CDH13: variants seen among roughly 807,000 people sequenced by gnomAD.
CDH13 encodes cadherin-13.
CDH13 carries 24 observed loss-of-function variants against 63.8 expected under a neutral mutation model. That is an observed-to-expected ratio of 0.38 (90% CI 0.27 to 0.53). CDH13 has a LOEUF of 0.53. CDH13 is among the 20% of genes least tolerant of loss of function. The pLI is 0.85. For synonymous variants in CDH13, 503 were observed against 355.3 expected (o/e 1.42, Z -4.67); for missense variants, 1,049 against 903.1 (o/e 1.16, Z -2.07).
chr16:83,673,315 T>C (rs1914677978), intron 9 of CDH13, among the ~76,000 whole-genome samples: 1 of 152,180 alleles, frequency 6.6e-6, no homozygotes, highest in African/African-American at 2.4e-5. Flanking sequence ...CCAACATGGA[T>C]ATCCCCTACC....
Position 82,644,385 on chromosome 16 carries a change from T to G in CDH13, c.45+17248T>G, listed in dbSNP as rs573169060. Among the ~76,000 whole-genome samples the G allele has an allele frequency of 6.6e-6, 1 of 152,136 alleles. No homozygotes were observed. Among genetic ancestry groups the G allele is most frequent in the African/African-American group, 2.4e-5 (1 of 41,430 alleles). Reference sequence around the variant, plus strand: ...CCATCACCCCCCTACGGAGTTCCTTTGATTCTCAGGTCCCTTAACCATGGA... The same window carrying G: ...CCATCACCCCCCTACGGAGTTCCTTGGATTCTCAGGTCCCTTAACCATGGA... On this transcript the variant is annotated intron_variant, in intron 1 of 13. Transcript: ENST00000567109. The surrounding 1 kb of genome is among the most constrained non-coding windows in gnomAD (Gnocchi z 5.7).
intron 4 of CDH13, among the ~76,000 whole-genome samples, chr16:83,172,907 T>C (rs1362588893): frequency 6.6e-6 from 1 of 152,144 alleles, no homozygotes; most frequent in East Asian, 1.9e-4. Flanking sequence ...TCAAGTATAA[T>C]GAACTGAAGT....
intron 5 of CDH13, among the ~76,000 whole-genome samples, chr16:83,266,076 A>G (rs1907583737): frequency 6.6e-6 from 1 of 152,032 alleles, no homozygotes; most frequent in African/African-American, 2.4e-5. Context: ...ACCTGAGATT[A>G]CAGGCGCCTG....
At chr16:83,004,433 C>T (rs1913265035) in intron 2 of CDH13, among the ~76,000 whole-genome samples, 1 of 152,216 alleles carries the variant, frequency 6.6e-6, no homozygotes, top group Admixed American at 6.5e-5. Context: ...ACTTCTTCCT[C>T]ATAAACCACT....
intron 1 of CDH13, among the ~76,000 whole-genome samples, chr16:82,808,485 G>C (rs114158275): frequency 4.7e-4 from 71 of 152,284 alleles, no homozygotes; most frequent in African/African-American, 1.5e-3. Context: ...AAATAAGAAG[G>C]ACTGACAGGA....
At position 83,797,531 on chromosome 16, in the gene CDH13, A is replaced by G. The variant is rs988970170; in HGVS notation, c.*2501A>G. On this transcript the variant is annotated 3_prime_UTR_variant, in exon 14 of 14. Transcript: ENST00000567109. The stretch of plus-strand genomic sequence containing the variant: ...TTGTTCCTCCTAATAGTTTCCAGAA[A>G]AAAAGGAAAATAAACCAATTCTTAT... 2.0e-5 allele frequency: 3 copies of G among 152,226 alleles called. No individual in the cohort carries two copies. The highest frequency in any genetic ancestry group is 7.2e-5 in the African/African-American group (3 of 41,458). The allele number at this position is 152,226 out of a possible 1,614,324, so 9.4% of individuals were successfully genotyped here.
intron 6 of CDH13, among the ~76,000 whole-genome samples, chr16:83,356,615 A>C (rs558706787): frequency 6.6e-6 from 1 of 152,206 alleles, no homozygotes; most frequent in African/African-American, 2.4e-5. Context: ...CCTTTGAATC[A>C]CTTCACCTTA....
At chr16:82,933,936 C>T (rs2042583545) in intron 2 of CDH13, among the ~76,000 whole-genome samples, 1 of 152,232 alleles carries the variant, frequency 6.6e-6, no homozygotes, top group South Asian at 2.1e-4. Context: ...GTACAGCCCT[C>T]CTCCTGGCTG....
At position 83,467,168 on chromosome 16, in the gene CDH13, G is replaced by A. The variant is rs981434065; in HGVS notation, c.782-19309G>A. 1.3e-5 allele frequency among the ~76,000 whole-genome samples: 2 copies of A among 152,128 alleles called. 1 individual carries two copies. The highest frequency in any genetic ancestry group is 1.3e-4 in the Admixed American group (2 of 15,266). ...CACTCTTACCAAGCCCCGGCTCTCAGTAAACTCAAACGCATCTCTCTGCTC... is the reference window on the plus strand; with the variant it reads ...CACTCTTACCAAGCCCCGGCTCTCAATAAACTCAAACGCATCTCTCTGCTC... On this transcript the variant is annotated intron_variant, in intron 6 of 13. Transcript: ENST00000567109.
intron 2 of CDH13, among the ~76,000 whole-genome samples, chr16:82,968,372 C>T (rs755059683): frequency 6.6e-6 from 1 of 152,168 alleles, no homozygotes; most frequent in African/African-American, 2.4e-5. Flanking sequence ...ACCTAGTGGT[C>T]CAGTTACTGT....
chr16:83,294,870 G>A (rs770726793), intron 5 of CDH13, among the ~76,000 whole-genome samples: 7 of 151,948 alleles, frequency 4.6e-5, no homozygotes, highest in Non-Finnish European at 8.8e-5. Flanking sequence ...CACAGAACTA[G>A]GAAAAATCAT....
chr16:83,079,310 C>T (rs1194185654), intron 3 of CDH13, among the ~76,000 whole-genome samples: 1 of 152,148 alleles, frequency 6.6e-6, no homozygotes, highest in Non-Finnish European at 1.5e-5. Flanking sequence ...ACCTTGCCTT[C>T]TATGGATGGT....
intron 7 of CDH13, among the ~76,000 whole-genome samples, chr16:83,504,427 G>T (rs796331234): frequency 5.9e-5 from 9 of 152,306 alleles, no homozygotes; most frequent in African/African-American, 1.4e-4. Context: ...GAGCACAAAG[G>T]GTTAATGCCA....
intron 5 of CDH13, among the ~76,000 whole-genome samples, chr16:83,340,419 A>C (rs559967447): frequency 6.6e-6 from 1 of 152,094 alleles, no homozygotes; most frequent in Admixed American, 6.6e-5. Context: ...TCCAACAGCC[A>C]CACAGTGAAA....
At chr16:82,834,899 A>G (rs995515264) in intron 1 of CDH13, among the ~76,000 whole-genome samples, 6 of 152,224 alleles carry the variant, frequency 3.9e-5, no homozygotes, top group Non-Finnish European at 8.8e-5. Context: ...ATGGCTACAT[A>G]AAATCCTTAA....
chr16:83,373,481 C>A (rs920465098), intron 6 of CDH13, among the ~76,000 whole-genome samples: 1 of 152,006 alleles, frequency 6.6e-6, no homozygotes. Flanking sequence ...GTACGAAGAC[C>A]TGAAAGAGTA....
At chr16:82,821,744 A>G (rs2549147) in intron 1 of CDH13, among the ~76,000 whole-genome samples, 70,250 of 152,084 alleles carry the variant, frequency 0.46, 17,637 homozygotes, top group East Asian at 0.9. Context: ...GGGGATGGTC[A>G]TTGAGGGCTC....
chr16:82,963,165 G>T (rs1275652367), intron 2 of CDH13, among the ~76,000 whole-genome samples: 4 of 150,748 alleles, frequency 2.7e-5, no homozygotes, highest in Non-Finnish European at 4.4e-5. Context: ...GAGGTCAGGA[G>T]TTGAAGACCA....
intron 1 of CDH13, among the ~76,000 whole-genome samples, chr16:82,838,537 C>G (rs1003315074): frequency 9.2e-5 from 14 of 152,148 alleles, no homozygotes; most frequent in African/African-American, 3.4e-4. Flanking sequence ...GGAAATTCAC[C>G]AAAGTAATAG....
Sources: allele counts gnomAD v4.1 joint callset (sites outside exome capture counted in the v4.1 genomes callset), GRCh38; gene constraint gnomAD v4.1.1; non-coding constraint Gnocchi (gnomAD v3.1); transcripts MANE v1.5; gene names NCBI Gene and HGNC (gene_info 2026-07-23, HGNC 2026-07-21).